The following MEIS2 variants were observed in gnomAD, a reference collection of about 807,000 sequenced individuals.
The protein encoded by MEIS2 is homeobox protein Meis2.
Under a neutral mutation model 58.6 loss-of-function variants are expected in MEIS2, and 9 were observed. The observed-to-expected ratio is 0.15, with a 90% confidence interval of 0.09 to 0.27. The LOEUF (loss-of-function observed/expected upper bound fraction) is 0.27. MEIS2 is among the 10% of genes least tolerant of loss of function. The pLI is 1.00. For missense variants in MEIS2, 427 were observed against 635.0 expected, an observed-to-expected ratio of 0.67 and a Z score of 3.52; for synonymous variants, 221 against 228.4, an observed-to-expected ratio of 0.97 and a Z score of 0.29.
At chr15:36,948,826 C>T (rs935743869) in intron 9 of MEIS2, among the ~76,000 whole-genome samples, 2 of 151,972 alleles carry the variant, frequency 1.3e-5, no homozygotes, top group African/African-American at 4.8e-5. Context: ...ATCACATACA[C>T]ATCCCCCTCC....
chr15:37,000,604 C>T (rs1240252322), intron 8 of MEIS2, among the ~76,000 whole-genome samples: 1 of 152,062 alleles, frequency 6.6e-6, no homozygotes, highest in Non-Finnish European at 1.5e-5. Context: ...TTTACTCCCA[C>T]CCACTGTCAG....
intron 8 of MEIS2, among the ~76,000 whole-genome samples, chr15:37,000,132 T>C (rs1427989956): frequency 6.6e-6 from 1 of 152,216 alleles, no homozygotes; most frequent in African/African-American, 2.4e-5. Context: ...ACCTCATTAT[T>C]ATAGCCAATA....
intron 6 of MEIS2, among the ~76,000 whole-genome samples, chr15:37,086,061 T>C (rs981194770): frequency 6.6e-6 from 1 of 152,232 alleles, no homozygotes; most frequent in African/African-American, 2.4e-5. Context: ...TCACCTAAGC[T>C]AAACTTTTCA....
At chr15:37,025,771 C>CA (rs1277567870) in intron 8 of MEIS2, among the ~76,000 whole-genome samples, 1 of 146,102 alleles carries the variant, frequency 6.8e-6, no homozygotes, top group African/African-American at 2.6e-5. Context: ...AAAAAAAAAT[C>CA]AAAAATTTTA....
chr15:36,970,475 T>G (rs2059513056), intron 8 of MEIS2, among the ~76,000 whole-genome samples: 1 of 151,834 alleles, frequency 6.6e-6, no homozygotes, highest in Non-Finnish European at 1.5e-5. Context: ...TGCAGGAAAT[T>G]AAAGAGCGCC....
intron 7 of MEIS2, among the ~76,000 whole-genome samples, chr15:37,082,762 C>T (rs1892400666): frequency 6.6e-6 from 1 of 152,122 alleles, no homozygotes; most frequent in African/African-American, 2.4e-5. Context: ...TTTCTAGACT[C>T]TTCTAGAACC....
chr15:36,918,772 G>C (rs1277800102), intron 9 of MEIS2, among the ~76,000 whole-genome samples: 1 of 152,146 alleles, frequency 6.6e-6, no homozygotes, highest in Non-Finnish European at 1.5e-5. Flanking sequence ...ATACCAGATA[G>C]AGAAAACTAC....
intron 9 of MEIS2, chr15:36,904,211 C>T (rs2056611702): frequency 6.6e-6 from 1 of 152,186 alleles, no homozygotes; most frequent in South Asian, 2.1e-4. Context: ...AGTGCCGTTC[C>T]CAGCAACATC....
chr15:37,095,824 C>G (rs1894155332), intron 3 of MEIS2: 2 of 651,446 alleles, frequency 3.1e-6, no homozygotes, highest in South Asian at 2.0e-5. Context: ...GGACCTGGTA[C>G]GACTAAGCTG....
chr15:37,044,634 A>C (rs369155243), intron 7 of MEIS2, among the ~76,000 whole-genome samples: 196 of 152,256 alleles, frequency 1.3e-3, no homozygotes, highest in African/African-American at 4.5e-3. Flanking sequence ...CTTTACTAGC[A>C]AACTCCTATT....
At chr15:36,977,727 C>T (rs111661788) in intron 8 of MEIS2, among the ~76,000 whole-genome samples, 2 of 152,330 alleles carry the variant, frequency 1.3e-5, no homozygotes, top group South Asian at 2.1e-4. Flanking sequence ...ATTTACAGAA[C>T]TCCCTATCTC....
At chr15:37,068,593 A>G (rs775302680) in intron 7 of MEIS2, among the ~76,000 whole-genome samples, 1 of 152,240 alleles carries the variant, frequency 6.6e-6, no homozygotes, top group South Asian at 2.1e-4. Flanking sequence ...GCTGACCTAC[A>G]AAATAAGCAC....
Position 36,910,354 on chromosome 15 carries a change from T to C in MEIS2, c.978-13668A>G, listed in dbSNP as rs535217639. ...GTCAAAAAAATATGGAGAAAACAAA[T>C]GTGAAGGTAATCAAAGTGAAGTCAC... On this transcript the variant is annotated intron_variant, in intron 9 of 11. Transcript: ENST00000561208. Among the ~76,000 whole-genome samples, 232 of 152,244 alleles carry C rather than the reference T, an allele frequency of 1.5e-3. 1 individual carries two copies. The highest frequency in any genetic ancestry group is 5.1e-3 in the African/African-American group (210 of 41,536).
Position 37,048,272 on chromosome 15 carries a change from T to A in MEIS2, c.755-11313A>T, listed in dbSNP as rs374542919. Among the ~76,000 whole-genome samples the A allele has an allele frequency of 2.4e-4, 36 of 152,264 alleles. No homozygotes were observed. In the South Asian group the frequency reaches 6.4e-3, roughly 27 times the overall value. ...GTATAGATCAATAATAACTATAGGA[T>A]TTTCTAACTTATTGTCTCTTTTATC... On this transcript the variant is annotated intron_variant, in intron 7 of 11. Transcript: ENST00000561208.
intron 2 of MEIS2, 22 bp downstream of exon 2, chr15:37,097,945 T>A (rs372006617): frequency 2.6e-6 from 4 of 1,567,942 alleles, no homozygotes; most frequent in African/African-American, 2.7e-5. Flanking sequence ...CACAGTAAGC[T>A]GGGTCCGGGG....
intron 7 of MEIS2, among the ~76,000 whole-genome samples, chr15:37,080,311 A>G (rs1291026232): frequency 6.6e-6 from 1 of 152,164 alleles, no homozygotes; most frequent in Non-Finnish European, 1.5e-5. Context: ...CCAATTTGTC[A>G]ACATCTCAAT....
At chr15:37,078,994 G>C (rs1272012504) in intron 7 of MEIS2, among the ~76,000 whole-genome samples, 1 of 152,026 alleles carries the variant, frequency 6.6e-6, no homozygotes, top group African/African-American at 2.4e-5. Context: ...CATGCTCCTA[G>C]AGCATTTATT....
intron 6 of MEIS2, among the ~76,000 whole-genome samples, chr15:37,091,564 CTT>C (rs1183488707): frequency 6.6e-6 from 1 of 152,156 alleles, no homozygotes; most frequent in East Asian, 1.9e-4. Flanking sequence ...ACAGTTGACT[CTT>C]TTATCCAAAG....
intron 1 of MEIS2, 178 bp downstream of exon 1, chr15:37,099,277 C>T: frequency 6.8e-7 from 1 of 1,469,632 alleles, no homozygotes; most frequent in Non-Finnish European, 9.0e-7. Context: ...CACTCGCACA[C>T]ACGCAGAGGC....
Sources: allele counts gnomAD v4.1 joint callset (sites outside exome capture counted in the v4.1 genomes callset), GRCh38; gene constraint gnomAD v4.1.1; transcripts MANE v1.5; gene names NCBI Gene and HGNC (gene_info 2026-07-23, HGNC 2026-07-21).